The following PDXK variants were observed in gnomAD, a reference collection of about 807,000 sequenced individuals.
The protein encoded by PDXK is pyridoxal kinase.
A neutral mutation model predicts 43.2 loss-of-function variants in PDXK; 15 were observed. The observed-to-expected ratio is 0.35, with a 90% confidence interval of 0.23 to 0.53. The LOEUF (loss-of-function observed/expected upper bound fraction) is 0.53, where lower values mean the gene tolerates loss of function less well. PDXK is among the 20% of genes least tolerant of loss of function. The pLI is 0.92. For synonymous variants in PDXK, 172 were observed against 165.4 expected (o/e 1.04, Z -0.31); for missense variants, 343 against 417.0 (o/e 0.82, Z 1.54).
intron 1 of PDXK, among the ~76,000 whole-genome samples, chr21:43,733,253 A>ACCCCCCCCCCCCCCCC (rs1226314950): frequency 1.4e-4 from 8 of 56,166 alleles, no homozygotes; most frequent in Admixed American, 2.2e-4. Context: ...CCCCATCCCC[A>ACCCCCCCCCCCCCCCC]CCCCCCCCCC....
chr21:43,728,121 G>C (rs1461899272), intron 1 of PDXK, among the ~76,000 whole-genome samples: 2 of 152,218 alleles, frequency 1.3e-5, no homozygotes, highest in African/African-American at 2.4e-5. Flanking sequence ...AGCTGTGAAG[G>C]CTGAGGCAGG....
At chr21:43,739,422 T>A (rs1291811130) in intron 2 of PDXK, among the ~76,000 whole-genome samples, 1 of 152,190 alleles carries the variant, frequency 6.6e-6, no homozygotes, top group Non-Finnish European at 1.5e-5. Context: ...CCAACACTAA[T>A]AAAGACATAC....
chr21:43,752,680 G>A (rs746403169), intron 8 of PDXK, 51 bp downstream of exon 8: 1 of 1,111,596 alleles, frequency 9.0e-7, no homozygotes, highest in Non-Finnish European at 1.4e-6. Context: ...CCCAGAGGAA[G>A]GTGTTCTTTG....
At chr21:43,727,325 C>T (rs1454532135) in intron 1 of PDXK, among the ~76,000 whole-genome samples, 1 of 152,108 alleles carries the variant, frequency 6.6e-6, no homozygotes, top group Non-Finnish European at 1.5e-5. Flanking sequence ...ATGGGCTGAG[C>T]AAAAAACCGT....
chr21:43,740,043 T>G (rs544229530), intron 2 of PDXK, among the ~76,000 whole-genome samples: 2 of 152,026 alleles, frequency 1.3e-5, no homozygotes, highest in South Asian at 4.1e-4. Context: ...CCAGAGTCCA[T>G]CAGGGGCTTG....
rs984317548 is a variant in PDXK, at chr21:43,737,308, C to A, written c.142+3185C>A. 4 of 1,385,760 alleles carry A rather than the reference C, an allele frequency of 2.9e-6. No individual in the cohort carries two copies. The highest frequency in any genetic ancestry group is 1.5e-5 in the African/African-American group (1 of 68,454). The allele number at this position is 1,385,760 out of a possible 1,614,324, so 85.8% of individuals were successfully genotyped here. A position where few individuals can be genotyped will look rare whatever the true frequency, so the allele number is the denominator to read the frequency against. Reference sequence around the variant, plus strand: ...GCCTCGCCGCCTCGAGGCTGCTGCTCGCACTTCTGCCCCTTCCCCCGGCCA... The same window carrying A: ...GCCTCGCCGCCTCGAGGCTGCTGCTAGCACTTCTGCCCCTTCCCCCGGCCA... On this transcript the variant is annotated intron_variant, in intron 2 of 10. Coordinates refer to ENST00000291565, the MANE Select transcript of PDXK (RefSeq NM_003681.5). The surrounding 1 kb of genome is among the most constrained non-coding windows in gnomAD (Gnocchi z 4.8).
intron 6 of PDXK, 105 bp from the exon 7 acceptor site, chr21:43,750,395 G>C (rs1386616625): frequency 2.8e-5 from 28 of 990,190 alleles, no homozygotes; most frequent in Non-Finnish European, 4.1e-5. Flanking sequence ...GCTGCCTGTG[G>C]GGATGGGGAT....
rs2083387510 is a variant in PDXK, at chr21:43,735,549, T to G, written c.142+1426T>G. ...GGGATGAGGACAGGACCCCAGGCGC[T>G]TGGGAGCCTCCACAGTTGCAGAGCC... On this transcript the variant is annotated intron_variant, in intron 2 of 10. Transcript: ENST00000291565. This position sits in a 1 kb window ranked among gnomAD's most constrained non-coding sequence, Gnocchi z 5.3. Among the ~76,000 whole-genome samples the G allele has an allele frequency of 6.6e-6, 1 of 152,170 alleles. No individual in the cohort carries two copies. The highest frequency in any genetic ancestry group is 2.4e-5 in the African/African-American group (1 of 41,436).
rs142071476 is a variant in PDXK at position 43,736,961 on chromosome 21, G to A, written c.142+2838G>A. On this transcript the variant is annotated intron_variant, in intron 2 of 10. Transcript: ENST00000291565. The stretch of plus-strand genomic sequence containing the variant: ...TTCTTTTTTCTTTTTTAGAGACAAG[G>A]TCGGTCTCTGTCGCCCAGGCTGGCG... 647 of 701,502 alleles carry A rather than the reference G, an allele frequency of 9.2e-4. 2 individuals are homozygous for A. In the African/African-American group the frequency reaches 0.01, roughly 11 times the overall value. 43.5% of individuals were successfully genotyped at this position (701,502 alleles called of 1,614,324 possible). A position where few individuals can be genotyped will look rare whatever the true frequency, so the allele number is the denominator to read the frequency against.
In PDXK at chr21:43,761,887, T is replaced by A. The variant is rs140936720; in HGVS notation, c.*5824T>A. 2.7e-3 allele frequency: 416 copies of A among 153,770 alleles called. 1 individual carries two copies. Among genetic ancestry groups the A allele is most frequent in the Non-Finnish European group, 5.0e-3 (342 of 68,132 alleles). 9.5% of individuals were successfully genotyped at this position (153,770 alleles called of 1,614,324 possible). A position where few individuals can be genotyped will look rare whatever the true frequency, so the allele number is the denominator to read the frequency against. ...TGACGTTCTGGAGCATGGACGTGAGTCCTCAGCTGGCTCCGCGTGGGCCCT... is the reference window on the plus strand; with the variant it reads ...TGACGTTCTGGAGCATGGACGTGAGACCTCAGCTGGCTCCGCGTGGGCCCT... On this transcript the variant is annotated 3_prime_UTR_variant, in exon 11 of 11. Transcript: ENST00000291565.
rs1230230504 is a variant in PDXK, at chr21:43,754,030, C to T, written c.759+311C>T. Among the ~76,000 whole-genome samples the T allele has an allele frequency of 1.3e-5, 2 of 152,208 alleles. No individual in the cohort carries two copies. Among genetic ancestry groups the T allele is most frequent in the Non-Finnish European group, 2.9e-5 (2 of 68,028 alleles). Reference sequence around the variant, plus strand: ...TCAGATGCCACCCGCTTGGCGTTGGCGCAGGGCTGTGGGATGCATGGAGCT... The same window carrying T: ...TCAGATGCCACCCGCTTGGCGTTGGTGCAGGGCTGTGGGATGCATGGAGCT... On this transcript the variant is annotated intron_variant, in intron 9 of 10. Coordinates refer to ENST00000291565, the MANE Select transcript of PDXK (RefSeq NM_003681.5). The surrounding 1 kb of genome is among the most constrained non-coding windows in gnomAD (Gnocchi z 5.5).
At chr21:43,753,447 C>A (rs556946387) in intron 8 of PDXK, 136 bp from the exon 9 acceptor site, 2 of 761,208 alleles carry the variant, frequency 2.6e-6, no homozygotes, top group African/African-American at 1.8e-5. Context: ...TGAGCCCCCA[C>A]GTCCTGAGCA....
At chr21:43,745,938 A>T in intron 4 of PDXK, 141 bp from the exon 5 acceptor site, 1 of 710,466 alleles carries the variant, frequency 1.4e-6, no homozygotes, top group Non-Finnish European at 2.6e-6. Flanking sequence ...TCGAGGTTGC[A>T]GTGAACCATG....
intron 10 of PDXK, 69 bp from the exon 11 acceptor site, chr21:43,755,882 T>C: frequency 6.9e-7 from 1 of 1,446,758 alleles, no homozygotes; most frequent in Non-Finnish European, 9.7e-7. Flanking sequence ...TGACCTCACC[T>C]CTGGGAGTGG....
At position 43,756,869 on chromosome 21, in the gene PDXK, C is replaced by T. The variant is rs1446600915; in HGVS notation, c.*806C>T. 6.6e-6 allele frequency: 1 copy of T among 152,382 alleles called. No individual in the cohort carries two copies. The highest frequency in any genetic ancestry group is 1.5e-5 in the Non-Finnish European group (1 of 68,138). The allele number at this position is 152,382 out of a possible 1,614,324, so 9.4% of individuals were successfully genotyped here. On this transcript the variant is annotated 3_prime_UTR_variant, in exon 11 of 11. Transcript: ENST00000291565. ...AGCTTTGAAGCTCCAGAGAACCACC[C>T]CGTCAGGTTCCTTGTGGAAGCTCCC...
rs1217813131 is a variant in PDXK at position 43,734,209 on chromosome 21, A to G, written c.142+86A>G. On this transcript the variant is annotated intron_variant, in intron 2 of 10. Coordinates refer to ENST00000291565, the MANE Select transcript of PDXK (RefSeq NM_003681.5). The surrounding 1 kb of genome is among the most constrained non-coding windows in gnomAD (Gnocchi z 5.0). ...AGTGTGGGTGTGAGGGACGGGGCGG[A>G]GTGTGGGTGTGAGGGACGGGGCTTT... The G allele has an allele frequency of 2.4e-5, 30 of 1,262,746 alleles. No individual in the cohort carries two copies. Among genetic ancestry groups the G allele is most frequent in the South Asian group, 9.5e-5 (8 of 83,842 alleles). The allele number at this position is 1,262,746 out of a possible 1,614,324, so 78.2% of individuals were successfully genotyped here. A position where few individuals can be genotyped will look rare whatever the true frequency, so the allele number is the denominator to read the frequency against.
rs969387807 is a variant in PDXK at position 43,732,091 on chromosome 21, C to T, written c.88-1978C>T. ...ACCGCTGCCCCTGTGGGGAGAAGAG[C>T]CCCGGGGGAAGAAGAGCACTGCTGA... is the stretch of plus-strand genomic sequence containing the variant. On this transcript the variant is annotated intron_variant, in intron 1 of 10. Transcript: ENST00000291565. The surrounding 1 kb of genome is among the most constrained non-coding windows in gnomAD (Gnocchi z 4.1). 5 of 1,182,912 alleles carry T rather than the reference C, an allele frequency of 4.2e-6. No homozygotes were observed. Among genetic ancestry groups the T allele is most frequent in the East Asian group, 8.3e-5 (2 of 23,994 alleles). 73.3% of individuals were successfully genotyped at this position (1,182,912 alleles called of 1,614,324 possible). A position where few individuals can be genotyped will look rare whatever the true frequency, so the allele number is the denominator to read the frequency against.
rs575530136 is a variant in PDXK at position 43,753,193 on chromosome 21, C to T, written c.623-390C>T. ...ATAGGCATACATGCACACATACACACGGGCACACACAGGCATACATGCACA... is the reference window on the plus strand; with the variant it reads ...ATAGGCATACATGCACACATACACATGGGCACACACAGGCATACATGCACA... On this transcript the variant is annotated intron_variant, in intron 8 of 10. Transcript: ENST00000291565. 7.2e-5 allele frequency among the ~76,000 whole-genome samples: 11 copies of T among 152,094 alleles called. No individual in the cohort carries two copies. The East Asian group carries it at 1.4e-3, about 19-fold the overall frequency.
Position 43,748,864 on chromosome 21 carries a change from G to A in PDXK, c.379-131G>A, listed in dbSNP as rs955227732. On this transcript the variant is annotated intron_variant, in intron 5 of 10. Transcript: ENST00000291565. The stretch of plus-strand genomic sequence containing the variant: ...GGAACAACTTATCGCTACAGTCGGG[G>A]GGCCTGGCCCCTGAGCCTGGACTTC... 1.5e-5 allele frequency: 10 copies of A among 653,362 alleles called. No homozygotes were observed. In the African/African-American group the frequency reaches 1.6e-4, roughly 11 times the overall value. The allele number at this position is 653,362 out of a possible 1,614,324, so 40.5% of individuals were successfully genotyped here.
Sources: allele counts gnomAD v4.1 joint callset (sites outside exome capture counted in the v4.1 genomes callset), GRCh38; gene constraint gnomAD v4.1.1; non-coding constraint Gnocchi (gnomAD v3.1); transcripts MANE v1.5; gene names NCBI Gene and HGNC (gene_info 2026-07-23, HGNC 2026-07-21).